NGF: variants seen among roughly 807,000 people sequenced by gnomAD.
The protein encoded by NGF is nerve growth factor, also known as beta-nerve growth factor.
In NGF, 4 loss-of-function variants were observed where a neutral mutation model predicts 12.8. That is an observed-to-expected ratio of 0.31 (90% CI 0.15 to 0.72). NGF has a LOEUF of 0.72. NGF is among the 30% of genes least tolerant of loss of function. The probability of loss-of-function intolerance (pLI) is 0.69; values close to 1 mark genes in which losing one functional copy is unlikely to be tolerated. For missense variants in NGF, 283 were observed against 330.8 expected, an observed-to-expected ratio of 0.86 and a Z score of 1.12; for synonymous variants, 140 against 130.0, an observed-to-expected ratio of 1.08 and a Z score of -0.52.
At position 115,292,859 on chromosome 1, in the gene NGF, T is replaced by G. The variant is rs11466105; in HGVS notation, c.-13+768A>C. 2.8e-3 allele frequency among the ~76,000 whole-genome samples: 427 copies of G among 152,242 alleles called. 1 individual carries two copies. The highest frequency in any genetic ancestry group is 4.6e-3 in the Non-Finnish European group (310 of 68,024). Reference sequence around the variant, plus strand: ...TAGGTTTCTGGGCACCGTGTAGACTTGATCTAAAAGCACTTGAAATGCCCA... The same window carrying G: ...TAGGTTTCTGGGCACCGTGTAGACTGGATCTAAAAGCACTTGAAATGCCCA... On this transcript the variant is annotated intron_variant, in intron 2 of 2. Transcript: ENST00000369512.
At chr1:115,320,385 A>G (rs575774042) in intron 1 of NGF, among the ~76,000 whole-genome samples, 2 of 152,248 alleles carry the variant, frequency 1.3e-5, no homozygotes, top group Non-Finnish European at 1.5e-5. Flanking sequence ...CAGCATCCCT[A>G]CTCTTGTGCT....
At chr1:115,331,253 T>G (rs1014176801) in intron 1 of NGF, among the ~76,000 whole-genome samples, 2 of 152,170 alleles carry the variant, frequency 1.3e-5, no homozygotes, top group African/African-American at 4.8e-5. Context: ...AACTGAGGCT[T>G]ACAGGGGTTA....
At chr1:115,302,275 G>C (rs1654059167) in intron 1 of NGF, among the ~76,000 whole-genome samples, 1 of 152,158 alleles carries the variant, frequency 6.6e-6, no homozygotes, top group African/African-American at 2.4e-5. Flanking sequence ...GGGCTGACAG[G>C]TGCGCCACAG....
At chr1:115,321,290 C>T (rs1397075051) in intron 1 of NGF, among the ~76,000 whole-genome samples, 1 of 152,094 alleles carries the variant, frequency 6.6e-6, no homozygotes, top group Non-Finnish European at 1.5e-5. Flanking sequence ...GATGTTGGTG[C>T]TTCATAAATA....
chr1:115,286,700 G>A lies in NGF; in HGVS notation c.96C>T (p.Ile32=). ...SESNVPAGHT[I]PQAHWTKLQH... ...GAAGTTTAGTCCAGTGGGCTTGGGG[G>A]ATGGTGTGTCCTGCAGGGACATTGC... Residue 32 remains isoleucine (I), a synonymous_variant, in exon 3 of 3, where the codon ATC becomes ATT. Transcript: ENST00000369512. The A allele has an allele frequency of 6.2e-7, 1 of 1,614,230 alleles. No individual in the cohort carries two copies.
intron 1 of NGF, among the ~76,000 whole-genome samples, chr1:115,294,819 A>G (rs1395995936): frequency 6.6e-6 from 1 of 152,238 alleles, no homozygotes; most frequent in Non-Finnish European, 1.5e-5. Flanking sequence ...GACCTAGAAA[A>G]TGAGCTGGAG....
intron 1 of NGF, among the ~76,000 whole-genome samples, chr1:115,321,386 T>A (rs547210923): frequency 6.6e-6 from 1 of 152,316 alleles, no homozygotes; most frequent in East Asian, 1.9e-4. Context: ...ATCAAGGAAC[T>A]TCATCCACCA....
At chr1:115,308,883 G>A (rs1355485979) in intron 1 of NGF, among the ~76,000 whole-genome samples, 2 of 152,136 alleles carry the variant, frequency 1.3e-5, no homozygotes, top group Non-Finnish European at 2.9e-5. Flanking sequence ...AGTCAGAGTT[G>A]GTTCCCATTC....
chr1:115,337,267 G>GTTTTTTTTTTTTTTT lies in NGF; in HGVS notation c.-137+922_-137+936dup, dbSNP rs67307707. 7.3e-4 allele frequency among the ~76,000 whole-genome samples: 59 copies of GTTTTTTTTTTTTTTT among 81,030 alleles called. 12 individuals carry two copies. Among genetic ancestry groups the GTTTTTTTTTTTTTTT allele is most frequent in the Non-Finnish European group, 1.2e-3 (52 of 42,674 alleles). 53.2% of individuals were successfully genotyped at this position (81,030 alleles called of 152,430 possible). On this transcript the variant is annotated intron_variant, in intron 1 of 2. Coordinates refer to ENST00000369512, the MANE Select transcript of NGF (RefSeq NM_002506.3). The stretch of plus-strand genomic sequence containing the variant: ...TCGAAATTTTTTTTGTTTTGTTTTT[G>GTTTTTTTTTTTTTTT]TTTTTTTTTTTTTTTTTTTTTTTTT...
chr1:115,293,233 C>CT (rs1653758008), intron 2 of NGF, among the ~76,000 whole-genome samples: 1 of 152,108 alleles, frequency 6.6e-6, no homozygotes. Flanking sequence ...GAACTCTTCC[C>CT]TACCCCTCTA....
chr1:115,314,880 T>A (rs1220711525), intron 1 of NGF, among the ~76,000 whole-genome samples: 1 of 152,168 alleles, frequency 6.6e-6, no homozygotes, highest in Non-Finnish European at 1.5e-5. Context: ...CTGGAAGAAA[T>A]AAAGCACAGT....
At chr1:115,331,474 T>A (rs1193848453) in intron 1 of NGF, among the ~76,000 whole-genome samples, 2 of 152,210 alleles carry the variant, frequency 1.3e-5, no homozygotes, top group African/African-American at 4.8e-5. Context: ...GTTCCAGTTT[T>A]GATACTGCTT....
chr1:115,318,197 C>T (rs550644357), intron 1 of NGF, among the ~76,000 whole-genome samples: 244 of 152,308 alleles, frequency 1.6e-3, no homozygotes, highest in African/African-American at 5.6e-3. Flanking sequence ...AGGCAGAGGC[C>T]GCTCCTTGCC....
chr1:115,336,444 A>T (rs59627767), intron 1 of NGF, among the ~76,000 whole-genome samples: 19,280 of 152,090 alleles, frequency 0.13, 2,241 homozygotes, highest in African/African-American at 0.31. Flanking sequence ...CCCTTCAACA[A>T]GAGGAATGTT....
At chr1:115,321,109 G>C (rs1167128121) in intron 1 of NGF, among the ~76,000 whole-genome samples, 2 of 152,176 alleles carry the variant, frequency 1.3e-5, no homozygotes, top group African/African-American at 4.8e-5. Flanking sequence ...ATGCAGTATG[G>C]ACCAGCACGT....
chr1:115,297,477 T>C (rs771092727), intron 1 of NGF, among the ~76,000 whole-genome samples: 1 of 152,170 alleles, frequency 6.6e-6, no homozygotes, highest in Non-Finnish European at 1.5e-5. Flanking sequence ...CCGAGCCTGG[T>C]AGAGCTAGAG....
intron 1 of NGF, among the ~76,000 whole-genome samples, chr1:115,334,881 G>A (rs1655066183): frequency 1.3e-5 from 2 of 152,152 alleles, no homozygotes; most frequent in South Asian, 4.1e-4. Context: ...TAATGAGTTG[G>A]GAAAGTGAGG....
At chr1:115,317,838 G>T (rs1654512370) in intron 1 of NGF, among the ~76,000 whole-genome samples, 1 of 152,160 alleles carries the variant, frequency 6.6e-6, no homozygotes. Flanking sequence ...ATGTTTTATT[G>T]AACAATGTTT....
intron 1 of NGF, among the ~76,000 whole-genome samples, chr1:115,306,629 T>G (rs1654212101): frequency 6.6e-6 from 1 of 152,178 alleles, no homozygotes; most frequent in Non-Finnish European, 1.5e-5. Context: ...GGAATTATGT[T>G]GCTATGTATA....
Sources: allele counts gnomAD v4.1 joint callset (sites outside exome capture counted in the v4.1 genomes callset), GRCh38; gene constraint gnomAD v4.1.1; transcripts MANE v1.5; gene names NCBI Gene and HGNC (gene_info 2026-07-23, HGNC 2026-07-21).